GGA1: variants seen among roughly 807,000 people sequenced by gnomAD.
GGA1 encodes the protein ADP-ribosylation factor-binding protein GGA1.
A neutral mutation model predicts 76.9 loss-of-function variants in GGA1; 18 were observed. The observed-to-expected ratio is 0.23, with a 90% confidence interval of 0.16 to 0.35. The LOEUF is 0.35. Among genes scored for constraint, GGA1 ranks in the 10% least tolerant of loss-of-function variants. The pLI is 1.00. For synonymous variants in GGA1, 342 were observed against 354.7 expected, an observed-to-expected ratio of 0.96 and a Z score of 0.40; for missense variants, 755 against 859.0, an observed-to-expected ratio of 0.88 and a Z score of 1.51.
intron 7 of GGA1, among the ~76,000 whole-genome samples, chr22:37,622,530 A>G (rs1296168694): frequency 6.6e-6 from 1 of 151,706 alleles, no homozygotes; most frequent in Non-Finnish European, 1.5e-5. Context: ...CGATCCTCCC[A>G]CCTCAACCTC....
At chr22:37,616,842 T>A in intron 2 of GGA1, 80 bp from the exon 3 acceptor site, 1 of 1,444,932 alleles carries the variant, frequency 6.9e-7, no homozygotes, top group Non-Finnish European at 9.1e-7. Flanking sequence ...AGGGCTGCAG[T>A]CCCAGCGGCC....
intron 11 of GGA1, among the ~76,000 whole-genome samples, chr22:37,627,442 G>A (rs544850440): frequency 2.0e-5 from 3 of 152,218 alleles, no homozygotes; most frequent in South Asian, 2.1e-4. Flanking sequence ...CCATGCAGCC[G>A]CCCCCTCTTC....
At chr22:37,617,222 C>T (rs1568976369) in intron 3 of GGA1, 6 of 1,396,088 alleles carry the variant, frequency 4.3e-6, no homozygotes, top group Non-Finnish European at 5.5e-6. Context: ...AGGGAAGGCC[C>T]TCTAGGGTCA....
In GGA1 at chr22:37,633,005, G is replaced by T. The variant is rs1215795143; in HGVS notation, c.*294G>T. On this transcript the variant is annotated 3_prime_UTR_variant, in exon 17 of 17. Coordinates refer to ENST00000343632, the MANE Select transcript of GGA1 (RefSeq NM_013365.5). The stretch of plus-strand genomic sequence containing the variant: ...AGCCTTGGAAGAACTTGGGTCATGG[G>T]GAGGAAGCACAGCTGTTGGGGAAGG... The T allele has an allele frequency of 1.2e-5, 5 of 404,830 alleles. No homozygotes were observed. The highest frequency in any genetic ancestry group is 1.8e-5 in the Non-Finnish European group (4 of 218,146). The allele number at this position is 404,830 out of a possible 1,614,324, so 25.1% of individuals were successfully genotyped here.
Position 37,624,949 on chromosome 22 carries a change from T to A in GGA1, c.833-20T>A. The A allele has an allele frequency of 6.4e-7, 1 of 1,561,748 alleles. No homozygotes were observed. Among genetic ancestry groups the A allele is most frequent in the Non-Finnish European group, 8.7e-7 (1 of 1,153,012 alleles). On this transcript the variant is annotated intron_variant, in intron 9 of 16. Transcript: ENST00000343632. The surrounding 1 kb of genome is among the most constrained non-coding windows in gnomAD (Gnocchi z 4.3). ...CCCCACAGTCCTTCAGCCTGGCCTC[T>A]CCCCTCCTGCCTGTTCCAGCGGAGA...
chr22:37,630,806 G>C, intron 13 of GGA1, 97 bp from the exon 14 acceptor site: 1 of 819,610 alleles, frequency 1.2e-6, no homozygotes, highest in Non-Finnish European at 2.0e-6. Context: ...GAGCTCAAGC[G>C]ATCTGCCCGC....
rs373057889 is a variant in GGA1, at chr22:37,616,914, C to T, written c.129-8C>T. The T allele has an allele frequency of 6.3e-7, 1 of 1,599,590 alleles. No individual in the cohort carries two copies. The highest frequency in any genetic ancestry group is 8.5e-7 in the Non-Finnish European group (1 of 1,173,806). ...CGACTCTGGCTCTGTGTTGTTCCTCCCACCCAGGCCTCCACTCGCCACCCG... is the reference window on the plus strand; with the variant it reads ...CGACTCTGGCTCTGTGTTGTTCCTCTCACCCAGGCCTCCACTCGCCACCCG... On this transcript the variant is annotated splice_polypyrimidine_tract_variant and splice_region_variant and intron_variant, in intron 2 of 16. Coordinates refer to ENST00000343632, the MANE Select transcript of GGA1 (RefSeq NM_013365.5).
At chr22:37,614,429 G>A (rs1928363633) in intron 2 of GGA1, among the ~76,000 whole-genome samples, 155 bp downstream of exon 2, 2 of 152,194 alleles carry the variant, frequency 1.3e-5, no homozygotes, top group South Asian at 4.1e-4. Context: ...CTGTTTGGGT[G>A]TCACTCTCTG....
chr22:37,622,342 A>C (rs1007531429), intron 7 of GGA1, among the ~76,000 whole-genome samples: 1 of 152,078 alleles, frequency 6.6e-6, no homozygotes, highest in East Asian at 1.9e-4. Context: ...CGGCGTCCCA[A>C]AGTGCTGGGA....
At chr22:37,609,373 G>T (rs1177038802) in intron 1 of GGA1, 3 of 1,077,932 alleles carry the variant, frequency 2.8e-6, no homozygotes, top group South Asian at 2.0e-5. Flanking sequence ...AGTCACATTT[G>T]CTCATTACCC....
rs1350654118 is a variant in GGA1 at position 37,625,287 on chromosome 22, G to A, written c.940+211G>A. ...GAAGAAGTCTGGTGGGGGAGCTGAG[G>A]GTTTGGTGAGGACAGGCAGAAGAAG... On this transcript the variant is annotated intron_variant, in intron 10 of 16. Transcript: ENST00000343632. This position sits in a 1 kb window ranked among gnomAD's most constrained non-coding sequence, Gnocchi z 4.1. 1.3e-5 allele frequency among the ~76,000 whole-genome samples: 2 copies of A among 152,114 alleles called. No homozygotes were observed. Among genetic ancestry groups the A allele is most frequent in the African/African-American group, 4.8e-5 (2 of 41,408 alleles).
intron 13 of GGA1, 69 bp from the exon 14 acceptor site, chr22:37,630,834 T>A: frequency 1.8e-6 from 2 of 1,128,274 alleles, no homozygotes; most frequent in Non-Finnish European, 2.6e-6. Flanking sequence ...TCCCAAAGTG[T>A]TGGAATTACA....
rs763700581 is a variant in GGA1 at position 37,625,816 on chromosome 22, G to T, written c.960G>T (p.Leu320=). The T allele has an allele frequency of 6.3e-7, 1 of 1,598,502 alleles. No individual in the cohort carries two copies. Among genetic ancestry groups the T allele is most frequent in the Non-Finnish European group, 8.5e-7 (1 of 1,170,230 alleles). Reference sequence around the variant, plus strand: ...CCCCAGGGAGCACCTCGGCCCTGCTGGATCTCTCAGGCCTGGATCTCCCGC... The same window carrying T: ...CCCCAGGGAGCACCTCGGCCCTGCTTGATCTCTCAGGCCTGGATCTCCCGC... The part of the protein sequence containing the change: ...GSIPGSTSAL[L]DLSGLDLPPA... The change falls in exon 11 of 17, where the codon CTG becomes CTT. Residue 320 remains leucine, a synonymous_variant. Coordinates refer to ENST00000343632, the MANE Select transcript of GGA1 (RefSeq NM_013365.5). The surrounding 1 kb of genome is among the most constrained non-coding windows in gnomAD (Gnocchi z 4.1).
chr22:37,608,879 C>A lies in GGA1; in HGVS notation c.19C>A (p.Pro7Thr). The A allele has an allele frequency of 7.6e-7, 1 of 1,311,018 alleles. No individual in the cohort carries two copies. The highest frequency in any genetic ancestry group is 9.7e-7 in the Non-Finnish European group (1 of 1,030,272). The allele number at this position is 1,311,018 out of a possible 1,614,324, so 81.2% of individuals were successfully genotyped here. MEPAMEPETLEARINRA... is the reference protein window; with the variant it reads MEPAMETETLEARINRA... ...GTGGCGGATGGAGCCCGCGATGGAG[C>A]CGGAGACTCTGGAGGCGCGAATCAG... Residue 7 changes from proline to threonine, a missense_variant, in exon 1 of 17, where the codon CCG becomes ACG. Coordinates refer to ENST00000343632, the MANE Select transcript of GGA1 (RefSeq NM_013365.5).
At chr22:37,615,113 A>G (rs950579087) in intron 2 of GGA1, among the ~76,000 whole-genome samples, 13 of 151,804 alleles carry the variant, frequency 8.6e-5, no homozygotes, top group Non-Finnish European at 1.5e-5. Context: ...AGCCTGGGCA[A>G]CATAGCGGGG....
At chr22:37,616,283 G>GC (rs1452812699) in intron 2 of GGA1, among the ~76,000 whole-genome samples, 1 of 152,136 alleles carries the variant, frequency 6.6e-6, no homozygotes, top group Admixed American at 6.5e-5. Context: ...GTGAGTGGTT[G>GC]CCTCTGAGTG....
At chr22:37,620,481 C>T in intron 5 of GGA1, 120 bp downstream of exon 5, 2 of 1,073,918 alleles carry the variant, frequency 1.9e-6, no homozygotes, top group South Asian at 1.4e-5. Context: ...TGTCCTTTAA[C>T]TTCTGGAGAA....
intron 14 of GGA1, 70 bp from the exon 15 acceptor site, chr22:37,631,926 G>A: frequency 7.1e-7 from 1 of 1,404,700 alleles, no homozygotes; most frequent in East Asian, 2.4e-5. Context: ...GGCCAGCCGG[G>A]TGGGGGCTGG....
At chr22:37,627,667 G>A (rs1335609172) in intron 11 of GGA1, among the ~76,000 whole-genome samples, 1 of 152,230 alleles carries the variant, frequency 6.6e-6, no homozygotes, top group Non-Finnish European at 1.5e-5. Context: ...CAAGAGAAGC[G>A]AGATGCAGCC....
Sources: allele counts gnomAD v4.1 joint callset (sites outside exome capture counted in the v4.1 genomes callset), GRCh38; gene constraint gnomAD v4.1.1; non-coding constraint Gnocchi (gnomAD v3.1); transcripts MANE v1.5; gene names NCBI Gene and HGNC (gene_info 2026-07-23, HGNC 2026-07-21).